Variants in VWDE observed in about 807,000 individuals in gnomAD.
VWDE encodes von Willebrand factor D and EGF domain-containing protein.
Under a neutral mutation model 178.4 loss-of-function variants are expected in VWDE, and 207 were observed. That is an observed-to-expected ratio of 1.16 (90% confidence interval 1.04 to 1.30). The LOEUF is 1.30. Ranked by LOEUF, VWDE falls within the 50% of genes most tolerant of loss-of-function variation. The probability of loss-of-function intolerance (pLI) is 0.00; values close to 1 mark genes in which losing one functional copy is unlikely to be tolerated. For synonymous variants in VWDE, 738 were observed against 651.4 expected, an observed-to-expected ratio of 1.13 and a Z score of -2.02; for missense variants, 2,287 against 1,901.3, an observed-to-expected ratio of 1.20 and a Z score of -3.77.
chr7:12,403,837 G>A lies in VWDE; in HGVS notation c.-121C>T, dbSNP rs1785035524. 2 of 1,071,720 alleles carry A rather than the reference G, an allele frequency of 1.9e-6. No homozygotes were observed. The highest frequency in any genetic ancestry group is 3.1e-5 in the South Asian group (2 of 65,020). 66.4% of individuals were successfully genotyped at this position (1,071,720 alleles called of 1,614,324 possible). A position where few individuals can be genotyped will look rare whatever the true frequency, so the allele number is the denominator to read the frequency against. ...GGATTTTCTCAGTCTGTTGCTGCTT[G>A]GAACAGGGAAGCTCCGCGTCCTCGT... On this transcript the variant is annotated 5_prime_UTR_variant, in exon 1 of 29. Coordinates refer to ENST00000275358, the MANE Select transcript of VWDE (RefSeq NM_001135924.3).
chr7:12,367,200 G>A (rs1371608), intron 13 of VWDE, among the ~76,000 whole-genome samples, 157 bp downstream of exon 13: 74,870 of 151,850 alleles, frequency 0.49, 18,619 homozygotes, highest in South Asian at 0.63. Flanking sequence ...ACAAAGAAGC[G>A]TCAACATTAT....
chr7:12,377,886 C>G lies in VWDE; in HGVS notation c.914G>C (p.Gly305Ala). 1 of 1,515,718 alleles carries G rather than the reference C, an allele frequency of 6.6e-7. No individual in the cohort carries two copies. The highest frequency in any genetic ancestry group is 1.3e-5 in the South Asian group (1 of 75,030). The allele number at this position is 1,515,718 out of a possible 1,614,324, so 93.9% of individuals were successfully genotyped here. The change falls in exon 7 of 29, where the codon GGG becomes GCG. Residue 305 changes from glycine (G) to alanine (A), a missense_variant. Transcript: ENST00000275358. ...TTCTATCCTCAGGTAGTATTCTTTC[C>G]CATCCTCTGATATAGTGCTCAATTC... ...QPELSTISED[G>A]KEYYLRIEST... is the part of the protein sequence containing the mutation.
At chr7:12,377,480 G>T (rs1019440090) in intron 7 of VWDE, 3 of 193,190 alleles carry the variant, frequency 1.6e-5, no homozygotes, top group African/African-American at 7.0e-5. Flanking sequence ...AGGAGAATGA[G>T]AAAAAAATAG....
At chr7:12,387,832 G>C (rs1165751557) in intron 3 of VWDE, among the ~76,000 whole-genome samples, 2 of 152,082 alleles carry the variant, frequency 1.3e-5, no homozygotes, top group Non-Finnish European at 2.9e-5. Context: ...GGAACTTTCA[G>C]TGTCCTATAT....
chr7:12,351,428 A>C, intron 19 of VWDE, 145 bp downstream of exon 19: 1 of 828,972 alleles, frequency 1.2e-6, no homozygotes, highest in East Asian at 3.0e-5. Flanking sequence ...TTAGCAAGAG[A>C]AAGGATAAAT....
intron 7 of VWDE, among the ~76,000 whole-genome samples, chr7:12,376,428 G>C (rs1249885348): frequency 6.6e-6 from 1 of 152,006 alleles, no homozygotes; most frequent in South Asian, 2.1e-4. Flanking sequence ...AATTCTCAGA[G>C]AATAAGAACA....
intron 13 of VWDE, among the ~76,000 whole-genome samples, chr7:12,366,787 C>T (rs1414710344): frequency 6.6e-6 from 1 of 151,886 alleles, no homozygotes; most frequent in Admixed American, 6.6e-5. Context: ...AATAAAATTT[C>T]CATGTGAATA....
At chr7:12,374,248 T>G (rs1287477871) in intron 9 of VWDE, among the ~76,000 whole-genome samples, 1 of 152,068 alleles carries the variant, frequency 6.6e-6, no homozygotes, top group African/African-American at 2.4e-5. Context: ...ATAATAGTTA[T>G]AATAGTTTTT....
rs1020676043 is a variant in VWDE at position 12,380,671 on chromosome 7, T to A, written c.604A>T (p.Ile202Phe). The change falls in exon 5 of 29, where the codon ATT (isoleucine) becomes TTT (phenylalanine). Residue 202 changes from isoleucine to phenylalanine, a missense_variant. Ile to Phe is a conservative substitution (Grantham distance 21). Transcript: ENST00000275358. ...CACCTACAGAAAAGCCTGGACTCAA[T>A]CAACTCCACCAGAACCTCTGGCCTT... Reference protein sequence around the residue: ...AGRPEVLVELIESRLFCRCSF... With the variant: ...AGRPEVLVELFESRLFCRCSF... 5 of 1,552,026 alleles carry A rather than the reference T, an allele frequency of 3.2e-6. No individual in the cohort carries two copies. In the East Asian group the frequency reaches 1.2e-4, roughly 38 times the overall value.
intron 7 of VWDE, among the ~76,000 whole-genome samples, chr7:12,376,261 T>C (rs1375300410): frequency 6.6e-6 from 1 of 152,060 alleles, no homozygotes; most frequent in Non-Finnish European, 1.5e-5. Flanking sequence ...TCTTTAAGCC[T>C]GTGAATAGCA....
intron 4 of VWDE, among the ~76,000 whole-genome samples, chr7:12,382,277 T>C (rs1330486610): frequency 6.6e-6 from 1 of 151,860 alleles, no homozygotes; most frequent in Non-Finnish European, 1.5e-5. Context: ...TTTGCTACAA[T>C]ACATATACAG....
chr7:12,358,616 A>G (rs1157184521), intron 16 of VWDE, among the ~76,000 whole-genome samples: 4 of 152,120 alleles, frequency 2.6e-5, no homozygotes, highest in African/African-American at 9.7e-5. Flanking sequence ...CTGCCCCTGC[A>G]TATCCTTACA....
chr7:12,333,774 C>T, intron 27 of VWDE: 1 of 382,332 alleles, frequency 2.6e-6, no homozygotes, highest in Non-Finnish European at 4.7e-6. Flanking sequence ...ACCCAAAATT[C>T]AAACAACACT....
chr7:12,338,701 T>C (rs1418145141), intron 24 of VWDE, among the ~76,000 whole-genome samples: 1 of 152,122 alleles, frequency 6.6e-6, no homozygotes, highest in East Asian at 1.9e-4. Flanking sequence ...ATAGGCCTCA[T>C]TCTGTCACCA....
At chr7:12,387,745 G>A (rs980286657) in intron 3 of VWDE, among the ~76,000 whole-genome samples, 11 of 152,044 alleles carry the variant, frequency 7.2e-5, no homozygotes, top group African/African-American at 1.9e-4. Context: ...GTTCATGAGT[G>A]TTACCCATAT....
Position 12,377,641 on chromosome 7 carries a change from T to A in VWDE, c.1024+135A>T. The A allele has an allele frequency of 6.3e-6, 3 of 475,340 alleles. No homozygotes were observed. The South Asian group carries it at 3.0e-4, about 48-fold the overall frequency. 29.4% of individuals were successfully genotyped at this position (475,340 alleles called of 1,614,324 possible). On this transcript the variant is annotated intron_variant, in intron 7 of 28. Coordinates refer to ENST00000275358, the MANE Select transcript of VWDE (RefSeq NM_001135924.3). ...TCAGTTTGGCCGAGTATTAGTAATA[T>A]GATTGGGCTAAAATTTGATGTCAAC...
rs143281006 is a variant in VWDE, at chr7:12,371,989, A to C, written c.1587+988T>G. 5.8e-3 allele frequency among the ~76,000 whole-genome samples: 889 copies of C among 152,216 alleles called. 10 individuals are homozygous for C. Among genetic ancestry groups the C allele is most frequent in the African/African-American group, 0.02 (819 of 41,558 alleles). On this transcript the variant is annotated intron_variant, in intron 10 of 28. Transcript: ENST00000275358. ...CTTGGCAAAATGCACACATAGGTGC[A>C]GGTTATATATGATATATATGTTCCC...
chr7:12,356,033 A>T, intron 18 of VWDE, 78 bp downstream of exon 18: 1 of 1,122,600 alleles, frequency 8.9e-7, no homozygotes, highest in Non-Finnish European at 1.3e-6. Context: ...TTAGGACCAC[A>T]CATTTGCTTA....
intron 23 of VWDE, among the ~76,000 whole-genome samples, chr7:12,341,744 G>A (rs10268302): frequency 0.14 from 20,710 of 152,116 alleles, 3,608 homozygotes; most frequent in African/African-American, 0.4. Flanking sequence ...GTATTGCGAT[G>A]AAAAACTTAA....
Sources: allele counts gnomAD v4.1 joint callset (sites outside exome capture counted in the v4.1 genomes callset), GRCh38; gene constraint gnomAD v4.1.1; transcripts MANE v1.5; gene names NCBI Gene and HGNC (gene_info 2026-07-23, HGNC 2026-07-21).